The following YIPF1 variants were observed in gnomAD, a reference collection of about 807,000 sequenced individuals.
The protein encoded by YIPF1 is Yip1 domain family member 1.
In YIPF1, 22 loss-of-function variants were observed where a neutral mutation model predicts 37.0. The ratio of observed to expected loss-of-function variants is 0.59; its 90% CI spans 0.42 to 0.85. The LOEUF (loss-of-function observed/expected upper bound fraction) is 0.85. Ranked by LOEUF, YIPF1 falls within the 40% of genes least tolerant of loss-of-function variation. YIPF1 has a pLI of 0.00. For missense variants in YIPF1, 355 were observed against 373.1 expected, an observed-to-expected ratio of 0.95 and a Z score of 0.40; for synonymous variants, 128 against 131.9, an observed-to-expected ratio of 0.97 and a Z score of 0.21.
chr1:53,852,336 T>C (rs1478153945), intron 10 of YIPF1, 66 bp from the exon 11 acceptor site: 3 of 150,730 alleles, frequency 2.0e-5, no homozygotes, highest in Non-Finnish European at 3.0e-5. Flanking sequence ...AAGAGCTACA[T>C]TGTAGAAAAG....
chr1:53,858,875 A>T (rs1315765087), intron 10 of YIPF1, among the ~76,000 whole-genome samples: 1 of 152,174 alleles, frequency 6.6e-6, no homozygotes, highest in Non-Finnish European at 1.5e-5. Context: ...AGCTCAAGTG[A>T]TCTGCCTGCC....
chr1:53,861,148 T>A (rs1021904556), intron 9 of YIPF1, among the ~76,000 whole-genome samples: 6 of 152,196 alleles, frequency 3.9e-5, no homozygotes, highest in African/African-American at 9.7e-5. Context: ...AGTTTCCAGA[T>A]GATGTCTTTC....
intron 4 of YIPF1, among the ~76,000 whole-genome samples, chr1:53,882,075 T>C (rs574556155): frequency 6.6e-5 from 10 of 151,924 alleles, no homozygotes; most frequent in East Asian, 1.9e-4. Context: ...ATGGATGGAG[T>C]TGGAAGCCAT....
At position 53,851,855 on chromosome 1, in the gene YIPF1, T is replaced by C. The variant is rs1649601932; in HGVS notation, c.*424A>G. On this transcript the variant is annotated 3_prime_UTR_variant, in exon 11 of 11. Transcript: ENST00000072644. ...TTTCTACTGTTCGGCTACTTCAGGA[T>C]GGCTAACATTTGGAGAGAAGAGGAT... is the stretch of plus-strand genomic sequence containing the variant. 6.6e-6 allele frequency: 1 copy of C among 152,226 alleles called. No individual in the cohort carries two copies. The highest frequency in any genetic ancestry group is 2.4e-5 in the African/African-American group (1 of 41,446). The allele number at this position is 152,226 out of a possible 1,614,324, so 9.4% of individuals were successfully genotyped here. A position where few individuals can be genotyped will look rare whatever the true frequency, so the allele number is the denominator to read the frequency against.
In YIPF1 at chr1:53,878,296, A is replaced by G; in HGVS notation, c.364+19T>C. On this transcript the variant is annotated intron_variant, in intron 6 of 10. Transcript: ENST00000072644. ...CAAGTTCAACTGAAATACGGTAAAC[A>G]AATCAGTACTAAACATACCATAGAG... 6.2e-7 allele frequency: 1 copy of G among 1,611,076 alleles called. No individual in the cohort carries two copies. Among genetic ancestry groups the G allele is most frequent in the South Asian group, 1.1e-5 (1 of 90,056 alleles).
At chr1:53,866,115 A>G in intron 9 of YIPF1, 85 bp downstream of exon 9, 1 of 1,504,518 alleles carries the variant, frequency 6.6e-7, no homozygotes, top group Non-Finnish European at 9.0e-7. Flanking sequence ...ACTCAATTTT[A>G]AAAGAACTGT....
chr1:53,880,784 A>G (rs1314675887), intron 4 of YIPF1, among the ~76,000 whole-genome samples: 1 of 152,166 alleles, frequency 6.6e-6, no homozygotes, highest in Non-Finnish European at 1.5e-5. Context: ...TGATCTTCGA[A>G]AAACCTGACA....
chr1:53,885,508 C>CA (rs1650621657), intron 3 of YIPF1, among the ~76,000 whole-genome samples: 1 of 150,952 alleles, frequency 6.6e-6, no homozygotes, highest in Non-Finnish European at 1.5e-5. Flanking sequence ...CTCTGTCTCA[C>CA]AAAAAAAGAA....
chr1:53,889,789 A>C lies in YIPF1; in HGVS notation c.-346T>G, dbSNP rs1199682831. ...CTCCGCGCCGGTTTCGGTCCAGCCC[A>C]GTTGCCGGAAGCCGGAGATCCGGGG... On this transcript the variant is annotated 5_prime_UTR_variant, in exon 1 of 11. Coordinates refer to ENST00000072644, the MANE Select transcript of YIPF1 (RefSeq NM_018982.5). 6.6e-6 allele frequency: 1 copy of C among 152,286 alleles called. No homozygotes were observed. The highest frequency in any genetic ancestry group is 1.5e-5 in the Non-Finnish European group (1 of 68,084). 9.4% of individuals were successfully genotyped at this position (152,286 alleles called of 1,614,324 possible).
intron 10 of YIPF1, among the ~76,000 whole-genome samples, chr1:53,858,068 T>A (rs1344502693): frequency 6.6e-6 from 1 of 151,350 alleles, no homozygotes; most frequent in Non-Finnish European, 1.5e-5. Context: ...TGGCCTTGGG[T>A]AAGGCACTGT....
chr1:53,866,035 C>A (rs142758061), intron 9 of YIPF1, among the ~76,000 whole-genome samples, 165 bp downstream of exon 9: 1 of 152,144 alleles, frequency 6.6e-6, no homozygotes, highest in Non-Finnish European at 1.5e-5. Flanking sequence ...CTCCCGAGCT[C>A]GAGATCCGCC....
At position 53,889,752 on chromosome 1, in the gene YIPF1, G is replaced by A. The variant is rs1303254076; in HGVS notation, c.-309C>T. ...CGTCCCCCGGGTCCCGAGAAGGCTC[G>A]GGCCTCAGTTGCTCCGCGCCGGTTT... On this transcript the variant is annotated 5_prime_UTR_variant, in exon 1 of 11. Transcript: ENST00000072644. The A allele has an allele frequency of 1.3e-5, 2 of 152,312 alleles. No homozygotes were observed. Among genetic ancestry groups the A allele is most frequent in the Non-Finnish European group, 2.9e-5 (2 of 68,108 alleles). 9.4% of individuals were successfully genotyped at this position (152,312 alleles called of 1,614,324 possible). A position where few individuals can be genotyped will look rare whatever the true frequency, so the allele number is the denominator to read the frequency against.
chr1:53,884,824 G>A (rs1052826821), intron 3 of YIPF1, among the ~76,000 whole-genome samples: 64 of 152,136 alleles, frequency 4.2e-4, no homozygotes, highest in African/African-American at 1.3e-3. Flanking sequence ...CTGAACCTTC[G>A]AAGGCCAAAG....
intron 3 of YIPF1, 125 bp from the exon 4 acceptor site, chr1:53,883,401 A>G: frequency 9.2e-7 from 1 of 1,084,180 alleles, no homozygotes; most frequent in Non-Finnish European, 1.2e-6. Flanking sequence ...TACAAAGGGC[A>G]AAAGCTTTGA....
At chr1:53,852,301 A>G (rs968666210) in intron 10 of YIPF1, 31 bp from the exon 11 acceptor site, 3 of 152,170 alleles carry the variant, frequency 2.0e-5, no homozygotes, top group African/African-American at 7.2e-5. Context: ...CTTTCAAGAT[A>G]AAGCACCCCC....
chr1:53,878,540 C>A (rs1650396199), intron 5 of YIPF1, 102 bp downstream of exon 5: 1 of 1,470,536 alleles, frequency 6.8e-7, no homozygotes, highest in Non-Finnish European at 9.3e-7. Flanking sequence ...TTTGTAAGAC[C>A]ATTTTCAGTA....
chr1:53,866,328 G>C lies in YIPF1; in HGVS notation c.703C>G (p.Leu235Val). Residue 235 changes from leucine (L) to valine (V), a missense_variant, in exon 9 of 11, where the codon CTG becomes GTG. Transcript: ENST00000072644. ...GCCAAGAGAGATCCTGAGATGCCCA[G>C]GGCAATCATGACTAGAATCCAACGA... ...AVRWILVMIA[L>V]GISGSLLAMT... 1 of 1,614,106 alleles carries C rather than the reference G, an allele frequency of 6.2e-7. No individual in the cohort carries two copies. The highest frequency in any genetic ancestry group is 8.5e-7 in the Non-Finnish European group (1 of 1,180,014).
chr1:53,883,265 C>A lies in YIPF1; in HGVS notation c.43G>T (p.Ala15Ser). 2 of 1,566,560 alleles carry A rather than the reference C, an allele frequency of 1.3e-6. No individual in the cohort carries two copies. The highest frequency in any genetic ancestry group is 1.7e-6 in the Non-Finnish European group (2 of 1,159,736). The change falls in exon 4 of 11, where the codon GCA becomes TCA. Residue 15 changes from alanine (A) to serine (S), a missense_variant. Transcript: ENST00000072644. ...DDLQFEEFGN[A>S]ATSLTANPDA... The stretch of plus-strand genomic sequence containing the variant: ...GGGTTTGCTGTCAGAGAAGTGGCTG[C>A]ATTGCCAAATTCTGAAATCAATTAG...
rs563709661 is a variant in YIPF1 at position 53,871,965 on chromosome 1, C to T, written c.365-477G>A. Among the ~76,000 whole-genome samples, 3 of 149,524 alleles carry T rather than the reference C, an allele frequency of 2.0e-5. No homozygotes were observed. The South Asian group carries it at 6.4e-4, about 32-fold the overall frequency. The stretch of plus-strand genomic sequence containing the variant: ...CAAACAGAACACATGAGGGCAGAGT[C>T]GATTAAACCTACCAGTTCACCACGG... On this transcript the variant is annotated intron_variant, in intron 6 of 10. Transcript: ENST00000072644.
Sources: allele counts gnomAD v4.1 joint callset (sites outside exome capture counted in the v4.1 genomes callset), GRCh38; gene constraint gnomAD v4.1.1; transcripts MANE v1.5; gene names NCBI Gene and HGNC (gene_info 2026-07-23, HGNC 2026-07-21).